SPSB1: variants seen among roughly 807,000 people sequenced by gnomAD.
SPSB1 encodes SPRY domain-containing SOCS box protein 1.
A neutral mutation model predicts 21.2 loss-of-function variants in SPSB1; 8 were observed. That is an observed-to-expected ratio of 0.38 (90% CI 0.22 to 0.68). SPSB1 has a LOEUF of 0.68. SPSB1 is among the 30% of genes least tolerant of loss of function. SPSB1 has a pLI of 0.53. For missense variants in SPSB1, 242 were observed against 377.8 expected, an observed-to-expected ratio of 0.64 and a Z score of 2.98; for synonymous variants, 169 against 161.7, an observed-to-expected ratio of 1.05 and a Z score of -0.34.
intron 1 of SPSB1, among the ~76,000 whole-genome samples, chr1:9,352,363 C>G (rs562400757): frequency 1.1e-3 from 161 of 152,320 alleles, no homozygotes; most frequent in African/African-American, 3.5e-3. Context: ...CCCCACAAGG[C>G]TGTGTCTTAA....
intron 1 of SPSB1, among the ~76,000 whole-genome samples, chr1:9,330,753 A>G (rs187735409): frequency 6.6e-6 from 1 of 151,438 alleles, no homozygotes; most frequent in Non-Finnish European, 1.5e-5. Context: ...AAAATTTACC[A>G]TCTTAACCAT....
intron 1 of SPSB1, among the ~76,000 whole-genome samples, chr1:9,300,149 G>A (rs1294035): frequency 0.079 from 12,026 of 151,976 alleles, 1,508 homozygotes; most frequent in African/African-American, 0.27. Flanking sequence ...AATTTCTCGG[G>A]GTCCAGTAGT....
chr1:9,320,223 G>A (rs2100481482), intron 1 of SPSB1, among the ~76,000 whole-genome samples: 1 of 152,352 alleles, frequency 6.6e-6, no homozygotes, highest in South Asian at 2.1e-4. Flanking sequence ...CCCACTGTGT[G>A]CCAAGCATTG....
chr1:9,356,609 A>G lies in SPSB1; in HGVS notation c.694+24A>G. 2 of 1,562,386 alleles carry G rather than the reference A, an allele frequency of 1.3e-6. No individual in the cohort carries two copies. Among genetic ancestry groups the G allele is most frequent in the Non-Finnish European group, 1.7e-6 (2 of 1,150,710 alleles). On this transcript the variant is annotated intron_variant, in intron 2 of 2. Transcript: ENST00000328089. The surrounding 1 kb of genome is among the most constrained non-coding windows in gnomAD (Gnocchi z 7.4). ...TCGTAAGTGTCTCCTCTGCTGTCAGAGGCAATGCCCTCCCTCAGTCCCCAT... is the reference window on the plus strand; with the variant it reads ...TCGTAAGTGTCTCCTCTGCTGTCAGGGGCAATGCCCTCCCTCAGTCCCCAT...
rs1487674057 is a variant in SPSB1, at chr1:9,334,495, A to G, written c.-149-21248A>G. ...CTTGGCCTCCCAAAGTGCTGGAATT[A>G]CAGGCGTGAGCCACCGTGCCTGGCC... is the stretch of plus-strand genomic sequence containing the variant. On this transcript the variant is annotated intron_variant, in intron 1 of 2. Transcript: ENST00000328089. 2.0e-5 allele frequency among the ~76,000 whole-genome samples: 3 copies of G among 152,238 alleles called. No homozygotes were observed. In the East Asian group the frequency reaches 5.8e-4, roughly 29 times the overall value.
chr1:9,342,620 TCC>T (rs1311680483), intron 1 of SPSB1, among the ~76,000 whole-genome samples: 1 of 152,168 alleles, frequency 6.6e-6, no homozygotes, highest in Non-Finnish European at 1.5e-5. Flanking sequence ...ACATCGGTTC[TCC>T]CATGTCCTCA....
rs141558790 is a variant in SPSB1 at position 9,320,176 on chromosome 1, A to G, written c.-150+27105A>G. ...CTCTTTGCCTTCCTCCTAAATTTGC[A>G]TGGCAGAAACTTCCTTCTACAGATA... On this transcript the variant is annotated intron_variant, in intron 1 of 2. Coordinates refer to ENST00000328089, the MANE Select transcript of SPSB1 (RefSeq NM_025106.4). Among the ~76,000 whole-genome samples, 354 of 152,264 alleles carry G rather than the reference A, an allele frequency of 2.3e-3. 1 individual carries two copies. The highest frequency in any genetic ancestry group is 4.0e-3 in the Non-Finnish European group (274 of 68,022).
At chr1:9,333,523 G>C (rs1639956423) in intron 1 of SPSB1, among the ~76,000 whole-genome samples, 1 of 151,844 alleles carries the variant, frequency 6.6e-6, no homozygotes, top group Non-Finnish European at 1.5e-5. Context: ...TAGAGACGGG[G>C]TTTCGCCATG....
chr1:9,339,433 G>A (rs1172627555), intron 1 of SPSB1, among the ~76,000 whole-genome samples: 3 of 152,176 alleles, frequency 2.0e-5, no homozygotes, highest in South Asian at 2.1e-4. Flanking sequence ...TGGAGGCGAC[G>A]GAGAGGTGCT....
At chr1:9,366,221 G>A (rs1391107412) in intron 2 of SPSB1, among the ~76,000 whole-genome samples, 1 of 152,210 alleles carries the variant, frequency 6.6e-6, no homozygotes, top group Non-Finnish European at 1.5e-5. Context: ...AGCCCCATGT[G>A]CCTGGGGCAG....
chr1:9,319,669 G>A (rs1278881331), intron 1 of SPSB1, among the ~76,000 whole-genome samples: 1 of 152,204 alleles, frequency 6.6e-6, no homozygotes, highest in East Asian at 1.9e-4. Context: ...GATGCTGCGG[G>A]AGGCCAAGCC....
In SPSB1 at chr1:9,321,162, T is replaced by C. The variant is rs1639716820; in HGVS notation, c.-150+28091T>C. On this transcript the variant is annotated intron_variant, in intron 1 of 2. Coordinates refer to ENST00000328089, the MANE Select transcript of SPSB1 (RefSeq NM_025106.4). The surrounding 1 kb of genome is among the most constrained non-coding windows in gnomAD (Gnocchi z 4.8). Reference sequence around the variant, plus strand: ...AAAAAATCCCCCCAAAACACAAAGCTGGAAAAAGCTCTTAAACCTTCTTAG... The same window carrying C: ...AAAAAATCCCCCCAAAACACAAAGCCGGAAAAAGCTCTTAAACCTTCTTAG... 6.6e-6 allele frequency among the ~76,000 whole-genome samples: 1 copy of C among 150,500 alleles called. No individual in the cohort carries two copies. Among genetic ancestry groups the C allele is most frequent in the South Asian group, 2.1e-4 (1 of 4,712 alleles).
chr1:9,302,008 TGTCC>T (rs1639338284), intron 1 of SPSB1, among the ~76,000 whole-genome samples: 2 of 152,244 alleles, frequency 1.3e-5, no homozygotes, highest in Non-Finnish European at 2.9e-5. Context: ...ACTGTCACGC[TGTCC>T]GTGTAGCACT....
At chr1:9,336,042 C>T (rs1328524537) in intron 1 of SPSB1, among the ~76,000 whole-genome samples, 2 of 152,228 alleles carry the variant, frequency 1.3e-5, no homozygotes, top group Non-Finnish European at 2.9e-5. Context: ...TAAGACTCTT[C>T]GTGTCTGTCC....
rs1640622998 is a variant in SPSB1 at position 9,369,133 on chromosome 1, A to G, written c.*1558A>G. 1 of 152,422 alleles carries G rather than the reference A, an allele frequency of 6.6e-6. No individual in the cohort carries two copies. Among genetic ancestry groups the G allele is most frequent in the African/African-American group, 2.4e-5 (1 of 41,368 alleles). The allele number at this position is 152,422 out of a possible 1,614,324, so 9.4% of individuals were successfully genotyped here. ...TTTTAAGTAAATCTTACAGTGGAGT[A>G]TATTTTTTAAAGCACAAAATTGGTG... On this transcript the variant is annotated 3_prime_UTR_variant, in exon 3 of 3. Transcript: ENST00000328089.
At chr1:9,339,644 C>T (rs1455318270) in intron 1 of SPSB1, among the ~76,000 whole-genome samples, 2 of 152,156 alleles carry the variant, frequency 1.3e-5, no homozygotes, top group African/African-American at 2.4e-5. Context: ...GCTGAGAGGG[C>T]CTGTCAGGGG....
In SPSB1 at chr1:9,312,352, A is replaced by G. The variant is rs77534138; in HGVS notation, c.-150+19281A>G. ...TGTCTGGTTTTTTATGAGACAAAGC[A>G]GGGAGTCCCTGACCTTCCTGAATAT... On this transcript the variant is annotated intron_variant, in intron 1 of 2. Transcript: ENST00000328089. Among the ~76,000 whole-genome samples, 25 of 152,094 alleles carry G rather than the reference A, an allele frequency of 1.6e-4. No homozygotes were observed. In the East Asian group the frequency reaches 4.8e-3, roughly 29 times the overall value.
chr1:9,314,161 T>C (rs1639570362), intron 1 of SPSB1, among the ~76,000 whole-genome samples: 1 of 146,344 alleles, frequency 6.8e-6, no homozygotes, highest in African/African-American at 2.5e-5. Context: ...GGGCAACAGA[T>C]TGAGACTCTA....
Position 9,305,253 on chromosome 1 carries a change from C to A in SPSB1, c.-150+12182C>A, listed in dbSNP as rs1639392306. On this transcript the variant is annotated intron_variant, in intron 1 of 2. Coordinates refer to ENST00000328089, the MANE Select transcript of SPSB1 (RefSeq NM_025106.4). This position sits in a 1 kb window ranked among gnomAD's most constrained non-coding sequence, Gnocchi z 4.8. The stretch of plus-strand genomic sequence containing the variant: ...CCGGCTGGCCCATACCCTCTCGCTT[C>A]ACTTTCCAAAACCGGATCCCCTCAC... Among the ~76,000 whole-genome samples the A allele has an allele frequency of 6.6e-6, 1 of 152,216 alleles. No individual in the cohort carries two copies. The highest frequency in any genetic ancestry group is 1.5e-5 in the Non-Finnish European group (1 of 68,036).
Sources: gnomAD v4.1 joint callset for allele counts (sites outside exome capture counted in the v4.1 genomes callset) on GRCh38, gnomAD v4.1.1 for gene constraint, Gnocchi (gnomAD v3.1) non-coding constraint, MANE v1.5 for transcripts, NCBI Gene and HGNC (gene_info 2026-07-23, HGNC 2026-07-21) for gene names.